Variants in LRRFIP1 observed in about 807,000 individuals in gnomAD.
LRRFIP1 encodes the protein LRR binding FLII interacting protein 1.
In LRRFIP1, 62 loss-of-function variants were observed where a neutral mutation model predicts 104.4. That is an observed-to-expected ratio of 0.59 (90% CI 0.48 to 0.73). LRRFIP1 has a LOEUF of 0.73. Among genes scored for constraint, LRRFIP1 ranks in the 30% least tolerant of loss-of-function variants. The probability of loss-of-function intolerance (pLI) is 0.00; values close to 1 mark genes in which losing one functional copy is unlikely to be tolerated. For synonymous variants in LRRFIP1, 300 were observed against 299.0 expected, an observed-to-expected ratio of 1.00 and a Z score of -0.03; for missense variants, 796 against 824.5, an observed-to-expected ratio of 0.97 and a Z score of 0.42.
Position 237,727,949 on chromosome 2 carries a change from A to C in LRRFIP1, c.444+14A>C. 6.3e-7 allele frequency: 1 copy of C among 1,585,302 alleles called. No homozygotes were observed. The highest frequency in any genetic ancestry group is 8.6e-7 in the Non-Finnish European group (1 of 1,164,108). On this transcript the variant is annotated intron_variant, in intron 8 of 23. Coordinates refer to ENST00000308482, the MANE Select transcript of LRRFIP1 (RefSeq NM_001137550.2). ...AGATCTGGCAGGGTTAGTATAGTAAATTTGCATGGCTCAAAATTCAAATAG... is the reference window on the plus strand; with the variant it reads ...AGATCTGGCAGGGTTAGTATAGTAACTTTGCATGGCTCAAAATTCAAATAG...
chr2:237,698,898 T>C (rs13409458), intron 1 of LRRFIP1, among the ~76,000 whole-genome samples: 2,623 of 152,320 alleles, frequency 0.017, 92 homozygotes, highest in African/African-American at 0.059. Flanking sequence ...TGAAATGAAA[T>C]GCATAGGTGA....
At chr2:237,697,311 C>A (rs2093256545) in intron 1 of LRRFIP1, among the ~76,000 whole-genome samples, 1 of 152,294 alleles carries the variant, frequency 6.6e-6, no homozygotes, top group East Asian at 1.9e-4. Context: ...GCATGAGCCA[C>A]CACACCCGGC....
In LRRFIP1 at chr2:237,708,560, C is replaced by T; in HGVS notation, c.113C>T (p.Ala38Val). 1 of 1,585,340 alleles carries T rather than the reference C, an allele frequency of 6.3e-7. No homozygotes were observed. Among genetic ancestry groups the T allele is most frequent in the Non-Finnish European group, 8.6e-7 (1 of 1,163,124 alleles). ...QIAREAEARL[A>V]AKRAARAEAR... ...CCGTTTCAGGCGGAAGCCCGGCTCG[C>T]TGCAAAACGGGCGGCCCGCGCGGAG... Residue 38 changes from alanine to valine, a missense_variant, in exon 2 of 24, where the codon GCT becomes GTT. By Grantham distance (64) the Ala-to-Val change is moderately conservative (BLOSUM62 0). Coordinates refer to ENST00000308482, the MANE Select transcript of LRRFIP1 (RefSeq NM_001137550.2).
intron 1 of LRRFIP1, among the ~76,000 whole-genome samples, chr2:237,679,749 C>G (rs2091591855): frequency 6.6e-6 from 1 of 152,152 alleles, no homozygotes; most frequent in South Asian, 2.1e-4. Context: ...GCTGGGATTG[C>G]AGGTATGCAC....
chr2:237,681,579 C>G (rs1240561608), intron 1 of LRRFIP1, among the ~76,000 whole-genome samples: 1 of 151,300 alleles, frequency 6.6e-6, no homozygotes, highest in Non-Finnish European at 1.5e-5. Flanking sequence ...ATTGGCCAGG[C>G]TGATCTTGAA....
chr2:237,719,990 C>T (rs1296422621), intron 5 of LRRFIP1, among the ~76,000 whole-genome samples: 1 of 146,888 alleles, frequency 6.8e-6, no homozygotes, highest in East Asian at 2.0e-4. Context: ...CTTTGTCACC[C>T]AGGCTAGAAT....
At chr2:237,679,841 C>A (rs554379162) in intron 1 of LRRFIP1, among the ~76,000 whole-genome samples, 5 of 152,122 alleles carry the variant, frequency 3.3e-5, no homozygotes, top group Non-Finnish European at 7.4e-5. Flanking sequence ...CTCCTGACCT[C>A]GGGTGATCCA....
At chr2:237,657,033 G>T (rs190561905) in intron 1 of LRRFIP1, among the ~76,000 whole-genome samples, 9 of 152,308 alleles carry the variant, frequency 5.9e-5, no homozygotes, top group Middle Eastern at 3.4e-3. Context: ...ATTTTCTGAA[G>T]AAGAGCCCCC....
At chr2:237,630,369 C>A (rs2082172455) in intron 1 of LRRFIP1, among the ~76,000 whole-genome samples, 2 of 152,188 alleles carry the variant, frequency 1.3e-5, no homozygotes, top group Admixed American at 6.5e-5. Context: ...GCCATGGTAT[C>A]CAAATTCCTG....
intron 6 of LRRFIP1, among the ~76,000 whole-genome samples, chr2:237,722,371 T>A (rs1411177431): frequency 1.3e-5 from 2 of 152,188 alleles, no homozygotes; most frequent in African/African-American, 4.8e-5. Flanking sequence ...GAATGTTCAG[T>A]TTCTTCAGAT....
At chr2:237,627,992 C>CT (rs1451981648) in intron 1 of LRRFIP1, among the ~76,000 whole-genome samples, 3 of 151,144 alleles carry the variant, frequency 2.0e-5, no homozygotes, top group African/African-American at 7.3e-5. Context: ...CGCTGCGCGC[C>CT]CTCCCCCACC....
intron 19 of LRRFIP1, chr2:237,763,102 GT>G (rs753244309): frequency 1.3e-5 from 21 of 1,614,092 alleles, no homozygotes; most frequent in Non-Finnish European, 1.6e-5. Context: ...TCCCCCAAGA[GT>G]TAGAGACAAG....
At chr2:237,675,457 T>C (rs1441394453) in intron 1 of LRRFIP1, among the ~76,000 whole-genome samples, 1 of 152,238 alleles carries the variant, frequency 6.6e-6, no homozygotes, top group South Asian at 2.1e-4. Flanking sequence ...ATTCCAAGAA[T>C]GCTCCACAGG....
intron 7 of LRRFIP1, among the ~76,000 whole-genome samples, chr2:237,725,893 G>T (rs1240031800): frequency 6.6e-6 from 1 of 152,260 alleles, no homozygotes; most frequent in Non-Finnish European, 1.5e-5. Context: ...ATAAGCAGCA[G>T]TGGAGAGCCA....
At chr2:237,668,545 C>G (rs1050189723) in intron 1 of LRRFIP1, among the ~76,000 whole-genome samples, 4 of 152,204 alleles carry the variant, frequency 2.6e-5, no homozygotes, top group African/African-American at 9.7e-5. Flanking sequence ...CTTCCTGCCT[C>G]TCTCCCATGG....
intron 1 of LRRFIP1, among the ~76,000 whole-genome samples, chr2:237,663,837 AG>A (rs1344430660): frequency 6.6e-6 from 1 of 151,860 alleles, no homozygotes; most frequent in Non-Finnish European, 1.5e-5. Context: ...GGTCTGGCAA[AG>A]GTTCACGTGC....
chr2:237,776,202 C>T (rs543425839), intron 23 of LRRFIP1, among the ~76,000 whole-genome samples: 1 of 152,268 alleles, frequency 6.6e-6, no homozygotes, highest in Non-Finnish European at 1.5e-5. Flanking sequence ...TCAGGTGATC[C>T]TCCTGCCTTG....
chr2:237,708,748 C>G, intron 2 of LRRFIP1, 118 bp downstream of exon 2: 1 of 1,173,950 alleles, frequency 8.5e-7, no homozygotes, highest in Admixed American at 2.0e-5. Context: ...TGCTCACGGT[C>G]AGAGTGCGTT....
rs117536398 is a variant in LRRFIP1, at chr2:237,673,831, G to A, written c.97-34713G>A. On this transcript the variant is annotated intron_variant, in intron 1 of 23. Coordinates refer to ENST00000308482, the MANE Select transcript of LRRFIP1 (RefSeq NM_001137550.2). ...TAAGAGAGGAAGCTGACTCGATGAC[G>A]GGCGGAGAGGTGGGCGGAGGCTGTC... Among the ~76,000 whole-genome samples, 474 of 152,278 alleles carry A rather than the reference G, an allele frequency of 3.1e-3. 7 individuals carry two copies. The East Asian group carries it at 0.047, about 15-fold the overall frequency.
Sources: allele counts gnomAD v4.1 joint callset (sites outside exome capture counted in the v4.1 genomes callset), GRCh38; gene constraint gnomAD v4.1.1; transcripts MANE v1.5; gene names NCBI Gene and HGNC (gene_info 2026-07-23, HGNC 2026-07-21).